The following KLHL25 variants were observed in gnomAD, a reference collection of about 807,000 sequenced individuals.
KLHL25 encodes the protein kelch-like protein 25.
In KLHL25, 41 loss-of-function variants were observed where a neutral mutation model predicts 30.0. The observed-to-expected ratio is 1.37, with a 90% CI of 1.07 to 1.78. The LOEUF (loss-of-function observed/expected upper bound fraction) is 1.78. Ranked by LOEUF, KLHL25 falls within the 40% of genes most tolerant of loss-of-function variation. KLHL25 has a pLI of 0.00. For synonymous variants in KLHL25, 399 were observed against 355.3 expected (o/e 1.12, Z -1.38); for missense variants, 971 against 824.5 (o/e 1.18, Z -2.18).
intron 1 of KLHL25, among the ~76,000 whole-genome samples, chr15:85,791,245 C>T (rs947156287): frequency 6.7e-6 from 1 of 150,014 alleles, no homozygotes; most frequent in African/African-American, 2.5e-5. Context: ...CCTGTAATCC[C>T]AGCACTTTAG....
chr15:85,788,784 T>C (rs986824791), intron 1 of KLHL25, among the ~76,000 whole-genome samples: 1 of 152,188 alleles, frequency 6.6e-6, no homozygotes, highest in African/African-American at 2.4e-5. Flanking sequence ...CAAAGCTGGG[T>C]ACCTTTCTCC....
In KLHL25 at chr15:85,769,015, T is replaced by C. The variant is rs753398966; in HGVS notation, c.796A>G (p.Met266Val). The C allele has an allele frequency of 8.7e-6, 14 of 1,611,056 alleles. No individual in the cohort carries two copies. Among genetic ancestry groups the C allele is most frequent in the African/African-American group, 2.7e-5 (2 of 74,938 alleles). The change falls in exon 2 of 3, where the codon ATG becomes GTG. Residue 266 changes from methionine (M) to valine (V), a missense_variant. Coordinates refer to ENST00000337975, the MANE Select transcript of KLHL25 (RefSeq NM_022480.4). Reference protein sequence around the residue: ...LMADERTKLIMDEALRCKTRI... With the variant: ...LMADERTKLIVDEALRCKTRI... The stretch of plus-strand genomic sequence containing the variant: ...GTCTTGCAGCGCAGGGCCTCATCCA[T>C]GATAAGCTTGGTGCGCTCGTCTGCC...
intron 1 of KLHL25, among the ~76,000 whole-genome samples, chr15:85,792,738 G>A (rs532972165): frequency 6.6e-6 from 1 of 152,278 alleles, no homozygotes; most frequent in South Asian, 2.1e-4. Flanking sequence ...TGAGCGACAG[G>A]ACAAAGGTGG....
intron 1 of KLHL25, among the ~76,000 whole-genome samples, chr15:85,773,414 A>G (rs2089689777): frequency 6.6e-6 from 1 of 152,224 alleles, no homozygotes; most frequent in South Asian, 2.1e-4. Context: ...GACATGTGGT[A>G]AACGCGTGTC....
chr15:85,783,156 G>A (rs2089756078), intron 1 of KLHL25, among the ~76,000 whole-genome samples: 1 of 152,150 alleles, frequency 6.6e-6, no homozygotes, highest in African/African-American at 2.4e-5. Context: ...CTGGAGTGCA[G>A]CAATGCGACC....
intron 1 of KLHL25, among the ~76,000 whole-genome samples, chr15:85,773,707 C>G (rs745326772): frequency 6.6e-6 from 1 of 152,182 alleles, no homozygotes; most frequent in Non-Finnish European, 1.5e-5. Flanking sequence ...CTTTGAGGAA[C>G]GAAGCAGGCC....
chr15:85,769,170 A>G lies in KLHL25; in HGVS notation c.641T>C (p.Ile214Thr), dbSNP rs752124650. The G allele has an allele frequency of 2.5e-6, 4 of 1,613,092 alleles. No individual in the cohort carries two copies. The highest frequency in any genetic ancestry group is 2.2e-5 in the East Asian group (1 of 44,864). Residue 214 changes from isoleucine (I) to threonine (T), a missense_variant, in exon 2 of 3, where the codon ATC (isoleucine) becomes ACC (threonine). Ile to Thr is a moderately conservative substitution (Grantham distance 89, BLOSUM62 -1). Coordinates refer to ENST00000337975, the MANE Select transcript of KLHL25 (RefSeq NM_022480.4). ...TEDERVVFEA[I>T]LQWVKHDLEP... Reference sequence around the variant, plus strand: ...CAGGTCGTGCTTCACCCACTGGAGGATGGCCTCGAAGACCACCCGCTCGTC... The same window carrying G: ...CAGGTCGTGCTTCACCCACTGGAGGGTGGCCTCGAAGACCACCCGCTCGTC...
chr15:85,767,326 T>C (rs2089631714), intron 2 of KLHL25, among the ~76,000 whole-genome samples: 1 of 152,064 alleles, frequency 6.6e-6, no homozygotes, highest in Admixed American at 6.6e-5. Flanking sequence ...GGTCTTGAAT[T>C]GGGCTCAAGC....
intron 1 of KLHL25, among the ~76,000 whole-genome samples, chr15:85,779,045 AT>A (rs35309594): frequency 0.024 from 3,413 of 141,726 alleles, 73 homozygotes; most frequent in African/African-American, 0.066. Flanking sequence ...CTCACCAACA[AT>A]TTTTTTTTTT....
At chr15:85,791,924 G>A (rs915563211) in intron 1 of KLHL25, among the ~76,000 whole-genome samples, 12 of 152,096 alleles carry the variant, frequency 7.9e-5, no homozygotes, top group Non-Finnish European at 1.3e-4. Flanking sequence ...CACTGCTCCT[G>A]GGTTAAAAGG....
At chr15:85,777,666 G>T (rs1230673692) in intron 1 of KLHL25, among the ~76,000 whole-genome samples, 1 of 152,212 alleles carries the variant, frequency 6.6e-6, no homozygotes, top group Non-Finnish European at 1.5e-5. Context: ...TGGTCACCAG[G>T]GAGTGGGAGC....
Position 85,768,960 on chromosome 15 carries a change from G to A in KLHL25, c.851C>T (p.Thr284Ile). 5 of 1,613,206 alleles carry A rather than the reference G, an allele frequency of 3.1e-6. No homozygotes were observed. The highest frequency in any genetic ancestry group is 3.4e-6 in the Non-Finnish European group (4 of 1,180,048). Residue 284 changes from threonine to isoleucine, a missense_variant, in exon 2 of 3, where the codon ACC (threonine) becomes ATC (isoleucine). Thr to Ile is a moderately conservative substitution (Grantham distance 89). Coordinates refer to ENST00000337975, the MANE Select transcript of KLHL25 (RefSeq NM_022480.4). ...TRILQNDGVVTSPCARPRKAG... is the reference protein window; with the variant it reads ...TRILQNDGVVISPCARPRKAG... ...CTTGCGTGGCCGGGCACAGGGGCTGGTGACCACGCCATCATTCTGCAGGAT... is the reference window on the plus strand; with the variant it reads ...CTTGCGTGGCCGGGCACAGGGGCTGATGACCACGCCATCATTCTGCAGGAT...
Position 85,793,083 on chromosome 15 carries a change from T to TA in KLHL25, c.-11+1682dup, listed in dbSNP as rs1394995001. Reference sequence around the variant, plus strand: ...CTTCCCCCCGCCCCCGCCCAAGTGATAGACGGGACGAACCAAGCTTGCTTT... The same window carrying TA: ...CTTCCCCCCGCCCCCGCCCAAGTGATAAGACGGGACGAACCAAGCTTGCTTT... On this transcript the variant is annotated intron_variant, in intron 1 of 2. Transcript: ENST00000337975. Among the ~76,000 whole-genome samples, 9 of 134,520 alleles carry TA rather than the reference T, an allele frequency of 6.7e-5. No individual in the cohort carries two copies. The Admixed American group carries it at 6.8e-4, about 10-fold the overall frequency. 88.3% of individuals were successfully genotyped at this position (134,520 alleles called of 152,430 possible).
intron 1 of KLHL25, among the ~76,000 whole-genome samples, chr15:85,781,775 C>T (rs760781656): frequency 6.6e-5 from 10 of 152,136 alleles, no homozygotes; most frequent in African/African-American, 1.4e-4. Context: ...TGAGCCACCG[C>T]GCCTGGCCAG....
intron 1 of KLHL25, among the ~76,000 whole-genome samples, chr15:85,783,105 TATTA>T (rs1371823174): frequency 2.6e-5 from 4 of 152,158 alleles, no homozygotes; most frequent in Admixed American, 6.5e-5. Flanking sequence ...ACATTTTATT[TATTA>T]TTTATTTTGA....
intron 1 of KLHL25, among the ~76,000 whole-genome samples, chr15:85,772,513 C>A (rs1427574134): frequency 6.6e-6 from 1 of 152,226 alleles, no homozygotes; most frequent in Non-Finnish European, 1.5e-5. Flanking sequence ...CAGACAGCCC[C>A]AGCTGGAATC....
At chr15:85,791,157 T>C (rs548298268) in intron 1 of KLHL25, among the ~76,000 whole-genome samples, 26 of 141,982 alleles carry the variant, frequency 1.8e-4, no homozygotes, top group African/African-American at 6.3e-4. Context: ...ATCACACCAC[T>C]GCACTCCAGC....
chr15:85,769,204 C>CCA lies in KLHL25; in HGVS notation c.605_606dup (p.Glu203TrpfsTer17). 6.2e-7 allele frequency: 1 copy of CCA among 1,613,720 alleles called. No individual in the cohort carries two copies. The highest frequency in any genetic ancestry group is 8.5e-7 in the Non-Finnish European group (1 of 1,180,042). On this transcript the variant is annotated frameshift_variant, in exon 2 of 3. Coordinates refer to ENST00000337975, the MANE Select transcript of KLHL25 (RefSeq NM_022480.4). LOFTEE classifies it high-confidence loss of function. ...AAGACCACCCGCTCGTCCTCGGTCT[C>CCA]CAGCTCATCACTCGAGATGAGGTCC...
rs866303749 is a variant in KLHL25, at chr15:85,771,384, G to A, written c.-10-1564C>T. Among the ~76,000 whole-genome samples, 26 of 152,272 alleles carry A rather than the reference G, an allele frequency of 1.7e-4. 1 individual carries two copies. The highest frequency in any genetic ancestry group is 3.4e-3 in the Middle Eastern group (1 of 294). On this transcript the variant is annotated intron_variant, in intron 1 of 2. Coordinates refer to ENST00000337975, the MANE Select transcript of KLHL25 (RefSeq NM_022480.4). Reference sequence around the variant, plus strand: ...TTCAAAAGTATGTAACTCTCCTGCCGCCTCCCACTCCAAGTCAATTTTCTA... The same window carrying A: ...TTCAAAAGTATGTAACTCTCCTGCCACCTCCCACTCCAAGTCAATTTTCTA...
Sources: allele counts gnomAD v4.1 joint callset (sites outside exome capture counted in the v4.1 genomes callset), GRCh38; gene constraint gnomAD v4.1.1; transcripts MANE v1.5; gene names NCBI Gene and HGNC (gene_info 2026-07-23, HGNC 2026-07-21).